LRRK1: variants seen among roughly 807,000 people sequenced by gnomAD.
The protein encoded by LRRK1 is leucine-rich repeat serine/threonine-protein kinase 1.
In LRRK1, 113 loss-of-function variants were observed where a neutral mutation model predicts 209.1. The ratio of observed to expected loss-of-function variants is 0.54; its 90% CI spans 0.46 to 0.63. The LOEUF (loss-of-function observed/expected upper bound fraction) is 0.63, where lower values mean the gene tolerates loss of function less well. LRRK1 is among the 30% of genes least tolerant of loss of function. The pLI is 0.00. For missense variants in LRRK1, 2,284 were observed against 2,632.2 expected (o/e 0.87, Z 2.89); for synonymous variants, 1,144 against 1,099.7 (o/e 1.04, Z -0.80).
rs530516044 is a variant in LRRK1, at chr15:101,028,924, C to T, written c.2687-32C>T. ...GAGTCCCTTTCGCTCCTTTGTCTAA[C>T]TGCTGCTTCCTCCTCTCCTTGCCTG... On this transcript the variant is annotated intron_variant, in intron 19 of 33. Transcript: ENST00000388948. 148 of 1,606,530 alleles carry T rather than the reference C, an allele frequency of 9.2e-5. No homozygotes were observed. The South Asian group carries it at 1.6e-3, about 17-fold the overall frequency.
chr15:100,948,767 TAAA>T (rs1320713516), intron 2 of LRRK1, among the ~76,000 whole-genome samples: 3 of 152,130 alleles, frequency 2.0e-5, no homozygotes, highest in Non-Finnish European at 4.4e-5. Context: ...AACACACTAT[TAAA>T]GAACGAATGT....
At chr15:101,065,191 A>T (rs974339630) in intron 31 of LRRK1, 161 bp from the exon 32 acceptor site, 2 of 728,054 alleles carry the variant, frequency 2.7e-6, no homozygotes, top group Non-Finnish European at 4.5e-6. Flanking sequence ...CTTCTTTAGG[A>T]GTAGCCCCGG....
Position 100,924,543 on chromosome 15 carries a change from G to A in LRRK1, c.-90G>A, listed in dbSNP as rs1054928486. The A allele has an allele frequency of 2.0e-5, 21 of 1,073,964 alleles. No individual in the cohort carries two copies. Among genetic ancestry groups the A allele is most frequent in the South Asian group, 6.7e-5 (5 of 75,156 alleles). The allele number at this position is 1,073,964 out of a possible 1,614,324, so 66.5% of individuals were successfully genotyped here. On this transcript the variant is annotated 5_prime_UTR_variant, in exon 2 of 34. Transcript: ENST00000388948. The stretch of plus-strand genomic sequence containing the variant: ...AAGCTTTCTGCTCAGCCATGGCTAC[G>A]AGTCCACGCCTTAATGCACCCCACA...
At chr15:100,922,051 A>G (rs577781636) in intron 1 of LRRK1, among the ~76,000 whole-genome samples, 2 of 152,348 alleles carry the variant, frequency 1.3e-5, no homozygotes, top group South Asian at 4.1e-4. Flanking sequence ...AGGTTTATTC[A>G]TTAATGCAGG....
intron 6 of LRRK1, among the ~76,000 whole-genome samples, chr15:101,001,334 A>G (rs142685236): frequency 2.5e-3 from 380 of 152,218 alleles, no homozygotes; most frequent in African/African-American, 8.5e-3. Flanking sequence ...TCTCATCTCT[A>G]CTATAATCAC....
intron 6 of LRRK1, among the ~76,000 whole-genome samples, chr15:100,996,455 G>A (rs983228653): frequency 1.3e-5 from 2 of 152,202 alleles, no homozygotes; most frequent in Admixed American, 6.5e-5. Context: ...CCCTCTGAGG[G>A]TCATGAAGTA....
chr15:101,073,988 G>A lies in LRRK1; in HGVS notation c.*5140G>A, dbSNP rs898878456. ...ACAGCACTTTCAATTTTTCCATCCT[G>A]CAAGATCTAAATAATTCTTGTCGTA... On this transcript the variant is annotated 3_prime_UTR_variant, in exon 34 of 34. Transcript: ENST00000388948. The A allele has an allele frequency of 1.1e-4, 17 of 152,062 alleles. No individual in the cohort carries two copies. Among genetic ancestry groups the A allele is most frequent in the Admixed American group, 6.6e-5 (1 of 15,266 alleles). 9.4% of individuals were successfully genotyped at this position (152,062 alleles called of 1,614,324 possible). A position where few individuals can be genotyped will look rare whatever the true frequency, so the allele number is the denominator to read the frequency against.
chr15:101,021,767 CGTGTGTGCGTGT>C lies in LRRK1; in HGVS notation c.1740-70_1740-59del, dbSNP rs767032288. 6,367 of 901,258 alleles carry C rather than the reference CGTGTGTGCGTGT, an allele frequency of 7.1e-3. 32 individuals carry two copies. The highest frequency in any genetic ancestry group is 9.0e-3 in the Non-Finnish European group (5,485 of 607,286). 55.8% of individuals were successfully genotyped at this position (901,258 alleles called of 1,614,324 possible). A position where few individuals can be genotyped will look rare whatever the true frequency, so the allele number is the denominator to read the frequency against. On this transcript the variant is annotated intron_variant, in intron 13 of 33. Transcript: ENST00000388948. ...AGGCTGCAGAGGCTGACAGGAGCCACGTGTGTGCGTGTGTGTGTGTGTGTGTGTGTGTGTGTG... is the reference window on the plus strand; with the variant it reads ...AGGCTGCAGAGGCTGACAGGAGCCACGTGTGTGTGTGTGTGTGTGTGTGTG...
chr15:101,019,776 C>T (rs1177743130), intron 12 of LRRK1, among the ~76,000 whole-genome samples: 1 of 152,194 alleles, frequency 6.6e-6, no homozygotes, highest in African/African-American at 2.4e-5. Context: ...TCCGAGCTCC[C>T]AGGCATGCTG....
intron 22 of LRRK1, 139 bp downstream of exon 22, chr15:101,048,796 A>G: frequency 1.6e-6 from 1 of 640,434 alleles, no homozygotes. Flanking sequence ...AGCTTGCTAG[A>G]AATGTGAGGC....
chr15:101,046,285 A>G lies in LRRK1; in HGVS notation c.3135+133A>G, dbSNP rs906808308. ...TCTCCTAGAGCCATGCCACCAATGT[A>G]GTGCCAGGGGGCAGGTGTGGCATGG... On this transcript the variant is annotated intron_variant, in intron 21 of 33. Coordinates refer to ENST00000388948, the MANE Select transcript of LRRK1 (RefSeq NM_024652.6). The G allele has an allele frequency of 3.9e-6, 4 of 1,025,666 alleles. No homozygotes were observed. The African/African-American group carries it at 6.3e-5, about 16-fold the overall frequency. The allele number at this position is 1,025,666 out of a possible 1,614,324, so 63.5% of individuals were successfully genotyped here. A position where few individuals can be genotyped will look rare whatever the true frequency, so the allele number is the denominator to read the frequency against.
chr15:100,949,391 T>G (rs117337096), intron 2 of LRRK1, among the ~76,000 whole-genome samples: 270 of 152,224 alleles, frequency 1.8e-3, no homozygotes, highest in Middle Eastern at 0.014. Flanking sequence ...AATAAATAAG[T>G]AATTCCCCAC....
intron 2 of LRRK1, among the ~76,000 whole-genome samples, chr15:100,965,192 T>A (rs2030376439): frequency 6.6e-6 from 1 of 152,204 alleles, no homozygotes; most frequent in African/African-American, 2.4e-5. Context: ...TGTTAGTTTT[T>A]CTGTAATTAG....
chr15:100,953,550 G>A (rs553905091), intron 2 of LRRK1, among the ~76,000 whole-genome samples: 2 of 150,822 alleles, frequency 1.3e-5, no homozygotes, highest in South Asian at 2.1e-4. Flanking sequence ...ATATGTATAT[G>A]TATATAAGCC....
At chr15:101,055,698 C>T (rs752231963) in intron 27 of LRRK1, among the ~76,000 whole-genome samples, 31 of 152,308 alleles carry the variant, frequency 2.0e-4, no homozygotes, top group Middle Eastern at 3.4e-3. Context: ...AAAGAGCAAG[C>T]TGGCATCCCC....
chr15:101,055,334 C>T (rs969320044), intron 27 of LRRK1, 111 bp downstream of exon 27: 1 of 1,075,092 alleles, frequency 9.3e-7, no homozygotes. Flanking sequence ...TCCCCAAAAG[C>T]ACATTTTTCT....
At chr15:101,010,374 G>A in intron 7 of LRRK1, 76 bp from the exon 8 acceptor site, 4 of 1,520,698 alleles carry the variant, frequency 2.6e-6, no homozygotes, top group Non-Finnish European at 3.6e-6. Flanking sequence ...TACACCTCTT[G>A]GTTTATAGAA....
chr15:100,973,920 G>T lies in LRRK1; in HGVS notation c.214G>T (p.Asp72Tyr). 7.9e-7 allele frequency: 1 copy of T among 1,265,390 alleles called. No individual in the cohort carries two copies. The highest frequency in any genetic ancestry group is 2.9e-5 in the South Asian group (1 of 34,114). 78.4% of individuals were successfully genotyped at this position (1,265,390 alleles called of 1,614,324 possible). ...YRRGDRGGAR[D>Y]LLEEACDQCA... is the part of the protein sequence containing the mutation. The stretch of plus-strand genomic sequence containing the variant: ...GCGGGGAGACCGCGGCGGCGCCCGG[G>T]ACCTGCTGGAGGAGGCCTGCGACCA... Residue 72 changes from aspartate (D) to tyrosine (Y), a missense_variant, in exon 3 of 34, where the codon GAC becomes TAC. Physicochemically the swap from Asp to Tyr is radical, Grantham distance 160. This residue lies in a region of LRRK1 where 174 missense variants were observed against 133.5 expected (regional missense o/e 1.30). Transcript: ENST00000388948.
intron 15 of LRRK1, among the ~76,000 whole-genome samples, chr15:101,023,512 G>C (rs1177128675): frequency 6.6e-6 from 1 of 152,142 alleles, no homozygotes; most frequent in Admixed American, 6.5e-5. Context: ...CTCGGGGAAC[G>C]AACACACATA....
Sources: allele counts gnomAD v4.1 joint callset (sites outside exome capture counted in the v4.1 genomes callset), GRCh38; gene constraint gnomAD v4.1.1; regional missense constraint gnomAD v4.1.1; transcripts MANE v1.5; gene names NCBI Gene and HGNC (gene_info 2026-07-23, HGNC 2026-07-21).